Variants in KIF21A observed in about 807,000 individuals in gnomAD.
KIF21A encodes the protein kinesin family member 21A, also known as kinesin-like protein KIF21A.
In KIF21A, 114 loss-of-function variants were observed where a neutral mutation model predicts 202.9. The ratio of observed to expected loss-of-function variants is 0.56; its 90% confidence interval spans 0.48 to 0.66. The LOEUF is 0.66. KIF21A is among the 30% of genes least tolerant of loss of function. The pLI is 0.00. For missense variants in KIF21A, 1,677 were observed against 1,994.9 expected, an observed-to-expected ratio of 0.84 and a Z score of 3.04; for synonymous variants, 667 against 670.8, an observed-to-expected ratio of 0.99 and a Z score of 0.09.
Position 39,309,652 on chromosome 12 carries a change from G to C in KIF21A, c.4211C>G (p.Thr1404Ser), listed in dbSNP as rs1344148767. 2.5e-6 allele frequency: 4 copies of C among 1,612,996 alleles called. No individual in the cohort carries two copies. The change falls in exon 33 of 38, where the codon ACT (threonine) becomes AGT (serine). Residue 1404 changes from threonine (T) to serine (S), a missense_variant. By Grantham distance (58) the Thr-to-Ser change is moderately conservative. Around this residue, in one of 3 missense-constraint regions of KIF21A, gnomAD observed 705 missense variants for 791.9 expected, o/e 0.89. Coordinates refer to ENST00000361418, the MANE Select transcript of KIF21A (RefSeq NM_001173464.2). ...CACCTTAATATAAGATGTTGATACA[G>C]TGAAGACCAAACTGGTATAATTACA... ...KYCNYTSLVF[T>S]VSTSYIKVWD...
rs150241656 is a variant in KIF21A, at chr12:39,340,264, T to G, written c.2211A>C (p.Ala737=). 3.1e-4 allele frequency: 499 copies of G among 1,613,178 alleles called. 1 individual carries two copies. In the African/African-American group the frequency reaches 6.1e-3, roughly 20 times the overall value. The part of the protein sequence containing the change: ...AMNKELQRLQ[A]AQKEHARLLK... ...GCAACCTTGCATGTTCTTTTTGAGCTGCTTGAAGTCTCTGCAGTTCTTTGT... is the reference window on the plus strand; with the variant it reads ...GCAACCTTGCATGTTCTTTTTGAGCGGCTTGAAGTCTCTGCAGTTCTTTGT... The change falls in exon 16 of 38, where the codon GCA becomes GCC. Residue 737 remains alanine (A), a synonymous_variant. Coordinates refer to ENST00000361418, the MANE Select transcript of KIF21A (RefSeq NM_001173464.2).
chr12:39,299,646 G>A (rs142647073), intron 37 of KIF21A, among the ~76,000 whole-genome samples: 379 of 152,116 alleles, frequency 2.5e-3, no homozygotes, highest in South Asian at 6.8e-3. Context: ...AAAGACACAC[G>A]CACACAAATG....
Position 39,432,691 on chromosome 12 carries a change from A to T in KIF21A, c.44+10236T>A, listed in dbSNP as rs183387187. ...AGTGGTATGATCTCAGCTCACTGCA[A>T]CCTCGGCCTCCCGAGTTCAAGTGAT... On this transcript the variant is annotated intron_variant, in intron 1 of 37. Coordinates refer to ENST00000361418, the MANE Select transcript of KIF21A (RefSeq NM_001173464.2). 3.4e-4 allele frequency among the ~76,000 whole-genome samples: 52 copies of T among 152,136 alleles called. No individual in the cohort carries two copies. The East Asian group carries it at 5.6e-3, about 16-fold the overall frequency.
At chr12:39,334,452 G>T (rs1295258067) in intron 17 of KIF21A, among the ~76,000 whole-genome samples, 1 of 152,052 alleles carries the variant, frequency 6.6e-6, no homozygotes, top group Non-Finnish European at 1.5e-5. Flanking sequence ...TGTCTCATCA[G>T]ATGGGAATTC....
chr12:39,306,175 A>G (rs901920356), intron 34 of KIF21A, among the ~76,000 whole-genome samples: 1 of 125,168 alleles, frequency 8.0e-6, no homozygotes, highest in African/African-American at 3.0e-5. Flanking sequence ...CTTGAAAACT[A>G]TTCTCTTAGT....
intron 7 of KIF21A, among the ~76,000 whole-genome samples, chr12:39,359,363 T>C (rs1214921370): frequency 2.0e-5 from 3 of 152,180 alleles, no homozygotes; most frequent in African/African-American, 7.2e-5. Context: ...TGGATATCTC[T>C]TTTGCATTCT....
chr12:39,365,958 G>A (rs112217167), intron 6 of KIF21A, among the ~76,000 whole-genome samples: 5 of 152,246 alleles, frequency 3.3e-5, no homozygotes, highest in African/African-American at 1.2e-4. Flanking sequence ...AGCCATGATC[G>A]CACCACTGTA....
chr12:39,361,718 G>C (rs991552325), intron 7 of KIF21A, among the ~76,000 whole-genome samples: 1 of 152,042 alleles, frequency 6.6e-6, no homozygotes, highest in African/African-American at 2.4e-5. Flanking sequence ...GTGTTAGCCA[G>C]GATGGTCTTG....
chr12:39,411,410 A>C (rs929005981), intron 1 of KIF21A, among the ~76,000 whole-genome samples: 1 of 152,220 alleles, frequency 6.6e-6, no homozygotes, highest in African/African-American at 2.4e-5. Context: ...ATACATATTT[A>C]AGTTTGAAAT....
At chr12:39,383,528 C>G (rs911399537) in intron 1 of KIF21A, among the ~76,000 whole-genome samples, 8 of 152,106 alleles carry the variant, frequency 5.3e-5, no homozygotes, top group African/African-American at 1.9e-4. Context: ...TTATCGTACC[C>G]CTATAGGTAA....
intron 1 of KIF21A, among the ~76,000 whole-genome samples, chr12:39,420,147 G>T (rs903035236): frequency 1.3e-5 from 2 of 150,800 alleles, no homozygotes; most frequent in African/African-American, 4.9e-5. Flanking sequence ...GCTGTTTGAC[G>T]AGTCACAGAT....
intron 21 of KIF21A, 155 bp from the exon 22 acceptor site, chr12:39,331,946 G>C (rs542328078): frequency 1.4e-6 from 1 of 719,746 alleles, no homozygotes; most frequent in South Asian, 1.6e-5. Context: ...GAAACATAGG[G>C]TTTAGTTGAA....
In KIF21A at chr12:39,311,714, A is replaced by G. The variant is rs184448198; in HGVS notation, c.3960-161T>C. 5.7e-6 allele frequency: 4 copies of G among 697,644 alleles called. No homozygotes were observed. In the African/African-American group the frequency reaches 7.1e-5, roughly 12 times the overall value. 43.2% of individuals were successfully genotyped at this position (697,644 alleles called of 1,614,324 possible). A position where few individuals can be genotyped will look rare whatever the true frequency, so the allele number is the denominator to read the frequency against. ...CTTTTAAGCAAAAGGACAAAGTGTGAAATAATAATAGTGATGGAGTATATC... is the reference window on the plus strand; with the variant it reads ...CTTTTAAGCAAAAGGACAAAGTGTGGAATAATAATAGTGATGGAGTATATC... On this transcript the variant is annotated intron_variant, in intron 31 of 37. Transcript: ENST00000361418.
chr12:39,417,956 C>T (rs1346088968), intron 1 of KIF21A, among the ~76,000 whole-genome samples: 1 of 151,974 alleles, frequency 6.6e-6, no homozygotes, highest in Non-Finnish European at 1.5e-5. Context: ...GCCTGAAATC[C>T]CAGCACTTTG....
chr12:39,315,208 C>A, intron 31 of KIF21A, 21 bp downstream of exon 31: 7 of 1,609,318 alleles, frequency 4.3e-6, no homozygotes, highest in Non-Finnish European at 6.0e-6. Flanking sequence ...AAATTAATTT[C>A]CTCTCCCTTC....
chr12:39,302,874 A>G, intron 36 of KIF21A, 91 bp downstream of exon 36: 1 of 1,115,254 alleles, frequency 9.0e-7, no homozygotes. Flanking sequence ...GTAAATGATA[A>G]AAATCTACAT....
chr12:39,406,307 T>C (rs1225285541), intron 1 of KIF21A, among the ~76,000 whole-genome samples: 1 of 152,208 alleles, frequency 6.6e-6, no homozygotes, highest in Non-Finnish European at 1.5e-5. Flanking sequence ...TATAACATTG[T>C]ATTATCTTCA....
chr12:39,430,568 A>C (rs956909403), intron 1 of KIF21A, among the ~76,000 whole-genome samples: 1 of 146,374 alleles, frequency 6.8e-6, no homozygotes, highest in Non-Finnish European at 1.5e-5. Flanking sequence ...CTTCGTCTCA[A>C]AAAAAAAAAA....
rs77721562 is a variant in KIF21A at position 39,373,342 on chromosome 12, T to C, written c.45-3081A>G. Among the ~76,000 whole-genome samples, 490 of 152,268 alleles carry C rather than the reference T, an allele frequency of 3.2e-3. 11 individuals are homozygous for C. The highest frequency in any genetic ancestry group is 0.029 in the East Asian group (151 of 5,182). ...TAGACACTCTTCTCCACCCTTTCAA[T>C]TCCCAACTCCTTTACCCGCCTGAAT... is the stretch of plus-strand genomic sequence containing the variant. On this transcript the variant is annotated intron_variant, in intron 1 of 37. Coordinates refer to ENST00000361418, the MANE Select transcript of KIF21A (RefSeq NM_001173464.2).
Sources: allele counts gnomAD v4.1 joint callset (sites outside exome capture counted in the v4.1 genomes callset), GRCh38; gene constraint gnomAD v4.1.1; regional missense constraint gnomAD v4.1.1; transcripts MANE v1.5; gene names NCBI Gene and HGNC (gene_info 2026-07-23, HGNC 2026-07-21).